KPNA4: variants seen among roughly 807,000 people sequenced by gnomAD.
KPNA4 encodes importin subunit alpha-3.
Under a neutral mutation model 71.3 loss-of-function variants are expected in KPNA4, and 13 were observed. The observed-to-expected ratio is 0.18, with a 90% CI of 0.12 to 0.29. KPNA4 has a LOEUF of 0.29. Ranked by LOEUF, KPNA4 falls within the 10% of genes least tolerant of loss-of-function variation. The pLI, the probability that KPNA4 is intolerant of heterozygous loss-of-function variation, is 1.00. For synonymous variants in KPNA4, 189 were observed against 195.2 expected, an observed-to-expected ratio of 0.97 and a Z score of 0.26; for missense variants, 334 against 603.2, an observed-to-expected ratio of 0.55 and a Z score of 4.67.
rs76604886 is a variant in KPNA4 at position 160,555,082 on chromosome 3, T to C, written c.69+10132A>G. Reference sequence around the variant, plus strand: ...ACTGAGCTCTCAACCTGAAATCTGATGTTATCTCCAGGTAGACAGTGTCAG... The same window carrying C: ...ACTGAGCTCTCAACCTGAAATCTGACGTTATCTCCAGGTAGACAGTGTCAG... On this transcript the variant is annotated intron_variant, in intron 1 of 16. Transcript: ENST00000334256. 2.5e-3 allele frequency among the ~76,000 whole-genome samples: 375 copies of C among 152,220 alleles called. 3 individuals carry two copies. Among genetic ancestry groups the C allele is most frequent in the African/African-American group, 8.6e-3 (358 of 41,542 alleles).
intron 1 of KPNA4, among the ~76,000 whole-genome samples, chr3:160,537,242 A>G (rs1292613007): frequency 1.3e-5 from 2 of 151,624 alleles, no homozygotes; most frequent in Non-Finnish European, 2.9e-5. Flanking sequence ...AGCGAAAAAA[A>G]GCCAAAGGAG....
At chr3:160,527,429 C>G (rs1204377327) in intron 8 of KPNA4, among the ~76,000 whole-genome samples, 3 of 152,188 alleles carry the variant, frequency 2.0e-5, no homozygotes, top group Non-Finnish European at 2.9e-5. Flanking sequence ...ATGGTTATGT[C>G]TTGTTGATTC....
chr3:160,563,944 A>G (rs978571057), intron 1 of KPNA4, among the ~76,000 whole-genome samples: 1 of 151,782 alleles, frequency 6.6e-6, no homozygotes, highest in Non-Finnish European at 1.5e-5. Context: ...TTTAAAGATA[A>G]TATTAACAGC....
chr3:160,550,564 C>A (rs781599803), intron 1 of KPNA4, among the ~76,000 whole-genome samples: 32 of 152,178 alleles, frequency 2.1e-4, no homozygotes, highest in Non-Finnish European at 4.1e-4. Context: ...CAGCACACAC[C>A]GCCACTGCCT....
chr3:160,517,079 T>C (rs988081931), intron 11 of KPNA4, among the ~76,000 whole-genome samples: 1 of 152,038 alleles, frequency 6.6e-6, no homozygotes, highest in African/African-American at 2.4e-5. Context: ...CCAGAACACT[T>C]TGATCACCCC....
chr3:160,546,560 ATAT>A (rs1721914456), intron 1 of KPNA4, among the ~76,000 whole-genome samples: 1 of 152,172 alleles, frequency 6.6e-6, no homozygotes, highest in Non-Finnish European at 1.5e-5. Flanking sequence ...CCAAGTGAAA[ATAT>A]TATTTTTTAA....
chr3:160,538,963 G>A (rs1019451267), intron 1 of KPNA4, among the ~76,000 whole-genome samples: 1 of 152,158 alleles, frequency 6.6e-6, no homozygotes, highest in African/African-American at 2.4e-5. Flanking sequence ...TTACAGGACT[G>A]CTGTTAAGGA....
Position 160,514,116 on chromosome 3 carries a change from A to C in KPNA4, c.1098T>G (p.Asp366Glu). The C allele has an allele frequency of 6.3e-7, 1 of 1,595,434 alleles. No individual in the cohort carries two copies. Among genetic ancestry groups the C allele is most frequent in the Non-Finnish European group, 8.5e-7 (1 of 1,174,132 alleles). ...GTATTATCATTGGTACAAGATTGGC[A>C]TCAATTACTGCCTGTACCTGCTGCT... Reference protein sequence around the residue: ...GNQQQVQAVIDANLVPMIIHL... With the variant: ...GNQQQVQAVIEANLVPMIIHL... Residue 366 changes from aspartate (D) to glutamate (E), a missense_variant, in exon 13 of 17, where the codon GAT (aspartate) becomes GAG (glutamate). By Grantham distance (45) the Asp-to-Glu change is conservative (BLOSUM62 2). Coordinates refer to ENST00000334256, the MANE Select transcript of KPNA4 (RefSeq NM_002268.5).
intron 1 of KPNA4, among the ~76,000 whole-genome samples, chr3:160,537,102 A>G (rs1244575555): frequency 6.6e-6 from 1 of 151,948 alleles, no homozygotes; most frequent in Non-Finnish European, 1.5e-5. Flanking sequence ...AAACTATAAT[A>G]TAAGGTTTAT....
intron 10 of KPNA4, among the ~76,000 whole-genome samples, chr3:160,522,193 G>A (rs918602630): frequency 5.3e-5 from 8 of 152,110 alleles, no homozygotes; most frequent in Non-Finnish European, 1.0e-4. Context: ...CATAAAACAG[G>A]AGAAAAAGAC....
intron 12 of KPNA4, chr3:160,515,103 A>G: frequency 1.9e-6 from 1 of 519,912 alleles, no homozygotes. Context: ...CACCACAAGC[A>G]CACACACATG....
chr3:160,527,034 T>C (rs536655279), intron 8 of KPNA4, among the ~76,000 whole-genome samples: 1 of 152,316 alleles, frequency 6.6e-6, no homozygotes, highest in South Asian at 2.1e-4. Context: ...CTCTTTACTT[T>C]CATGTTGGCC....
At chr3:160,522,353 G>A (rs941902725) in intron 10 of KPNA4, among the ~76,000 whole-genome samples, 7 of 152,168 alleles carry the variant, frequency 4.6e-5, no homozygotes, top group Admixed American at 3.3e-4. Flanking sequence ...AGTATTGTAA[G>A]TACCATGTAG....
chr3:160,558,012 C>T (rs772272379), intron 1 of KPNA4, among the ~76,000 whole-genome samples: 7 of 152,166 alleles, frequency 4.6e-5, no homozygotes, highest in African/African-American at 1.7e-4. Context: ...TCAACTTAAT[C>T]TTGTATTACC....
chr3:160,520,155 A>G (rs1425022695), intron 11 of KPNA4, among the ~76,000 whole-genome samples: 1 of 152,228 alleles, frequency 6.6e-6, no homozygotes, highest in Non-Finnish European at 1.5e-5. Context: ...GTACCAAGAC[A>G]TAAGTACCAC....
chr3:160,516,298 A>C (rs757576891), intron 11 of KPNA4, among the ~76,000 whole-genome samples: 1 of 152,022 alleles, frequency 6.6e-6, no homozygotes, highest in Non-Finnish European at 1.5e-5. Flanking sequence ...TGCTCCAAGA[A>C]ACCTATTCTT....
chr3:160,509,298 G>T (rs1241773071), intron 14 of KPNA4, among the ~76,000 whole-genome samples: 1 of 152,074 alleles, frequency 6.6e-6, no homozygotes, highest in Non-Finnish European at 1.5e-5. Flanking sequence ...TATTGTTGCT[G>T]TCTTTTTACT....
chr3:160,513,249 GTTTTTTT>G (rs946090860), intron 13 of KPNA4, among the ~76,000 whole-genome samples: 9 of 80,626 alleles, frequency 1.1e-4, no homozygotes, highest in South Asian at 4.9e-4. Context: ...CTACTTTGTG[GTTTTTTT>G]TTTTTTTTTT....
At chr3:160,509,513 C>T (rs1188954838) in intron 14 of KPNA4, among the ~76,000 whole-genome samples, 8 of 151,994 alleles carry the variant, frequency 5.3e-5, no homozygotes, top group African/African-American at 7.2e-5. Flanking sequence ...TGAAGTATGA[C>T]GAAAGGAAGT....
Sources: gnomAD v4.1 joint callset for allele counts (sites outside exome capture counted in the v4.1 genomes callset) on GRCh38, gnomAD v4.1.1 for gene constraint, MANE v1.5 for transcripts, NCBI Gene and HGNC (gene_info 2026-07-23, HGNC 2026-07-21) for gene names.